The following NUBPL variants were observed in gnomAD, a reference collection of about 807,000 sequenced individuals.
NUBPL encodes iron-sulfur cluster transfer protein NUBPL.
Under a neutral mutation model 45.7 loss-of-function variants are expected in NUBPL, and 31 were observed. The ratio of observed to expected loss-of-function variants is 0.68; its 90% CI spans 0.51 to 0.92. The LOEUF (loss-of-function observed/expected upper bound fraction) is 0.92, where lower values mean the gene tolerates loss of function less well. Ranked by LOEUF, NUBPL falls within the 40% of genes least tolerant of loss-of-function variation. The pLI, the probability that NUBPL is intolerant of heterozygous loss-of-function variation, is 0.00. For missense variants in NUBPL, 401 were observed against 398.7 expected, an observed-to-expected ratio of 1.01 and a Z score of -0.05; for synonymous variants, 144 against 140.9, an observed-to-expected ratio of 1.02 and a Z score of -0.15.
intron 6 of NUBPL, among the ~76,000 whole-genome samples, chr14:31,737,805 T>A (rs554429675): frequency 2.6e-5 from 4 of 152,132 alleles, no homozygotes; most frequent in Non-Finnish European, 5.9e-5. Context: ...AAATTAATTA[T>A]TTCTGTTCAT....
At chr14:31,826,956 T>G (rs913621462) in intron 8 of NUBPL, among the ~76,000 whole-genome samples, 4 of 152,160 alleles carry the variant, frequency 2.6e-5, no homozygotes, top group African/African-American at 9.7e-5. Context: ...AAGTGCTACT[T>G]CTCTCATACT....
intron 8 of NUBPL, among the ~76,000 whole-genome samples, chr14:31,837,331 A>G (rs1036029369): frequency 6.6e-6 from 1 of 151,788 alleles, no homozygotes; most frequent in Non-Finnish European, 1.5e-5. Flanking sequence ...ACCCTGTTTC[A>G]AAAAAAACAA....
intron 4 of NUBPL, among the ~76,000 whole-genome samples, chr14:31,672,119 A>T (rs1226358710): frequency 6.6e-6 from 1 of 152,194 alleles, no homozygotes; most frequent in Non-Finnish European, 1.5e-5. Context: ...ACTTCACTAT[A>T]AGCAATAGAT....
intron 6 of NUBPL, among the ~76,000 whole-genome samples, chr14:31,755,023 T>C (rs975556340): frequency 6.6e-6 from 1 of 151,938 alleles, no homozygotes; most frequent in Non-Finnish European, 1.5e-5. Context: ...ACAAAGGACA[T>C]GAACTCATCG....
intron 4 of NUBPL, among the ~76,000 whole-genome samples, chr14:31,643,902 T>G (rs1292218289): frequency 6.6e-6 from 1 of 152,084 alleles, no homozygotes; most frequent in Non-Finnish European, 1.5e-5. Flanking sequence ...TTTATCCGTT[T>G]CTTGTAGGTT....
intron 10 of NUBPL, among the ~76,000 whole-genome samples, chr14:31,854,306 T>C (rs2040584577): frequency 6.6e-6 from 1 of 152,232 alleles, no homozygotes; most frequent in African/African-American, 2.4e-5. Flanking sequence ...AGGGTTAGTC[T>C]GTGTAGAGTT....
intron 7 of NUBPL, among the ~76,000 whole-genome samples, chr14:31,811,942 C>T (rs2039813861): frequency 6.6e-6 from 1 of 152,146 alleles, no homozygotes; most frequent in African/African-American, 2.4e-5. Flanking sequence ...CTGGGTTTCA[C>T]CAGCAGAGGC....
chr14:31,792,302 G>A (rs904791021), intron 7 of NUBPL, among the ~76,000 whole-genome samples: 4 of 152,134 alleles, frequency 2.6e-5, no homozygotes, highest in Admixed American at 6.5e-5. Flanking sequence ...TATCCAACTC[G>A]TTATCTGGAT....
At chr14:31,640,314 A>C (rs909917452) in intron 4 of NUBPL, among the ~76,000 whole-genome samples, 2 of 152,186 alleles carry the variant, frequency 1.3e-5, no homozygotes, top group Non-Finnish European at 2.9e-5. Flanking sequence ...AGACTTAAGA[A>C]ACGCTTTGGG....
chr14:31,739,191 T>A (rs2038225094), intron 6 of NUBPL, among the ~76,000 whole-genome samples: 1 of 144,934 alleles, frequency 6.9e-6, no homozygotes, highest in Admixed American at 7.2e-5. Flanking sequence ...TATATATATA[T>A]ATATTATATT....
Position 31,841,923 on chromosome 14 carries a change from T to G in NUBPL, c.694-4548T>G, listed in dbSNP as rs1344557714. On this transcript the variant is annotated intron_variant, in intron 8 of 10. Transcript: ENST00000281081. ...TGTATGGGTCGATTCTGGGCTTTTT[T>G]TTTTTTTTTTTTTTTTTTTTTTTTT... Among the ~76,000 whole-genome samples, 454 of 110,942 alleles carry G rather than the reference T, an allele frequency of 4.1e-3. 47 individuals carry two copies. The highest frequency in any genetic ancestry group is 0.015 in the African/African-American group (409 of 26,916). 72.8% of individuals were successfully genotyped at this position (110,942 alleles called of 152,430 possible).
intron 6 of NUBPL, among the ~76,000 whole-genome samples, chr14:31,720,672 C>G (rs1201851724): frequency 6.6e-6 from 1 of 152,090 alleles, no homozygotes. Flanking sequence ...GCTGTGCTGT[C>G]CAATACAGTA....
At chr14:31,833,353 A>G (rs2040223074) in intron 8 of NUBPL, among the ~76,000 whole-genome samples, 1 of 152,034 alleles carries the variant, frequency 6.6e-6, no homozygotes, top group Non-Finnish European at 1.5e-5. Flanking sequence ...TGAGTGTTAT[A>G]GAGTGAGACC....
chr14:31,762,697 T>A (rs1435507307), intron 6 of NUBPL, among the ~76,000 whole-genome samples: 1 of 152,240 alleles, frequency 6.6e-6, no homozygotes, highest in Non-Finnish European at 1.5e-5. Flanking sequence ...TGGGAAATTG[T>A]TGCTCCTGCA....
rs144950010 is a variant in NUBPL, at chr14:31,630,941, C to T, written c.382+31562C>T. ...CCCCTCTGCAGTTGTGGGGAGTTCT[C>T]TCTCTATGTCTCCTTTCTCCCCAGT... On this transcript the variant is annotated intron_variant, in intron 4 of 10. Transcript: ENST00000281081. Among the ~76,000 whole-genome samples the T allele has an allele frequency of 2.1e-3, 320 of 152,242 alleles. 1 individual carries two copies. The highest frequency in any genetic ancestry group is 7.3e-3 in the African/African-American group (305 of 41,546).
intron 6 of NUBPL, among the ~76,000 whole-genome samples, chr14:31,732,205 G>GAAAAAAAAAAAAAAAAAA (rs2038066158): frequency 9.0e-5 from 3 of 33,436 alleles, no homozygotes; most frequent in Admixed American, 2.9e-4. Flanking sequence ...AAAAAAAAAT[G>GAAAAAAAAAAAAAAAAAA]AAAGAAAGAA....
intron 6 of NUBPL, among the ~76,000 whole-genome samples, chr14:31,767,295 C>T (rs1003701063): frequency 2.6e-5 from 4 of 152,242 alleles, no homozygotes; most frequent in South Asian, 2.1e-4. Flanking sequence ...CTCTGCCTCC[C>T]GGGTTCAAGC....
chr14:31,737,229 G>GA (rs779048447), intron 6 of NUBPL, among the ~76,000 whole-genome samples: 3 of 152,104 alleles, frequency 2.0e-5, no homozygotes, highest in South Asian at 4.1e-4. Flanking sequence ...TCTACCTTAT[G>GA]AAAAATTCTG....
At chr14:31,686,076 G>C (rs965947721) in intron 6 of NUBPL, among the ~76,000 whole-genome samples, 4 of 152,138 alleles carry the variant, frequency 2.6e-5, no homozygotes, top group African/African-American at 9.7e-5. Flanking sequence ...ATGAGGAGAT[G>C]AATGATAAGA....
Sources: allele counts gnomAD v4.1 joint callset (sites outside exome capture counted in the v4.1 genomes callset), GRCh38; gene constraint gnomAD v4.1.1; transcripts MANE v1.5; gene names NCBI Gene and HGNC (gene_info 2026-07-23, HGNC 2026-07-21).